Variants in PLEKHG1 observed in about 807,000 individuals in gnomAD.
The protein encoded by PLEKHG1 is pleckstrin homology and RhoGEF domain containing G1.
In PLEKHG1, 44 loss-of-function variants were observed where a neutral mutation model predicts 100.8. That is an observed-to-expected ratio of 0.44 (90% confidence interval 0.34 to 0.56). The LOEUF (loss-of-function observed/expected upper bound fraction) is 0.56. Among genes scored for constraint, PLEKHG1 ranks in the 20% least tolerant of loss-of-function variants. The probability of loss-of-function intolerance (pLI) is 0.01; values close to 1 mark genes in which losing one functional copy is unlikely to be tolerated. For synonymous variants in PLEKHG1, 640 were observed against 662.5 expected (o/e 0.97, Z 0.52); for missense variants, 1,545 against 1,720.9 (o/e 0.90, Z 1.81).
At chr6:150,740,250 T>C (rs1450067982) in intron 2 of PLEKHG1, among the ~76,000 whole-genome samples, 1 of 152,232 alleles carries the variant, frequency 6.6e-6, no homozygotes, top group African/African-American at 2.4e-5. Flanking sequence ...AGGTGGTTTC[T>C]GATTAAGCCT....
chr6:150,814,675 C>T (rs1787749910), intron 10 of PLEKHG1, among the ~76,000 whole-genome samples: 1 of 152,180 alleles, frequency 6.6e-6, no homozygotes. Context: ...GCATCCTAAC[C>T]ACATTATTCC....
intron 15 of PLEKHG1, among the ~76,000 whole-genome samples, chr6:150,837,645 G>C (rs927944164): frequency 2.0e-5 from 3 of 152,254 alleles, no homozygotes; most frequent in Non-Finnish European, 4.4e-5. Flanking sequence ...TATACTGTAT[G>C]TGAGAATGGC....
chr6:150,712,696 T>C (rs1301844859), intron 3 of PLEKHG1, among the ~76,000 whole-genome samples: 1 of 152,196 alleles, frequency 6.6e-6, no homozygotes, highest in Non-Finnish European at 1.5e-5. Context: ...AACTGGGAAT[T>C]AGGCAAGTGT....
intron 3 of PLEKHG1, among the ~76,000 whole-genome samples, chr6:150,690,527 C>T (rs1780315748): frequency 6.6e-6 from 1 of 152,186 alleles, no homozygotes; most frequent in Non-Finnish European, 1.5e-5. Flanking sequence ...AACTATACTT[C>T]TCTAGTGCTT....
At chr6:150,809,891 C>CA (rs201618525) in intron 10 of PLEKHG1, among the ~76,000 whole-genome samples, 157 bp downstream of exon 11, 23,679 of 135,654 alleles carry the variant, frequency 0.17, 3,554 homozygotes, top group African/African-American at 0.42. Flanking sequence ...GAGACTGGGT[C>CA]AAAAAAAAAA....
intron 3 of PLEKHG1, among the ~76,000 whole-genome samples, chr6:150,695,684 A>G (rs1780515655): frequency 6.6e-6 from 1 of 152,234 alleles, no homozygotes; most frequent in Non-Finnish European, 1.5e-5. Context: ...GCAGTGCCTA[A>G]CAAATATGCA....
intron 3 of PLEKHG1, among the ~76,000 whole-genome samples, chr6:150,654,756 A>G (rs953910493): frequency 6.6e-5 from 10 of 152,238 alleles, no homozygotes; most frequent in Non-Finnish European, 1.2e-4. Flanking sequence ...GATTTATTGT[A>G]AGGCAGCTAA....
At chr6:150,787,810 T>TTG (rs1055045615) in intron 4 of PLEKHG1, among the ~76,000 whole-genome samples, 1 of 152,116 alleles carries the variant, frequency 6.6e-6, no homozygotes, top group East Asian at 1.9e-4. Flanking sequence ...TCTCCTGACT[T>TTG]TGTGTGTGTG....
At chr6:150,734,004 G>A (rs772543320) in exon 2 of PLEKHG1, 1 of 1,614,196 alleles carries the variant, frequency 6.2e-7, no homozygotes, top group Non-Finnish European at 8.5e-7. Flanking sequence ...TCGGCCACGA[G>A]CCCCAAGCTC....
intron 4 of PLEKHG1, among the ~76,000 whole-genome samples, chr6:150,794,436 C>T (rs1174685419): frequency 6.6e-6 from 1 of 152,060 alleles, no homozygotes; most frequent in African/African-American, 2.4e-5. Flanking sequence ...GAGGCCAAGG[C>T]CGGTGGATCA....
At chr6:150,622,305 C>G (rs1191057846) in intron 1 of PLEKHG1, among the ~76,000 whole-genome samples, 1 of 152,144 alleles carries the variant, frequency 6.6e-6, no homozygotes, top group Non-Finnish European at 1.5e-5. Flanking sequence ...ATACTACTTT[C>G]AGTAACAAAG....
chr6:150,738,075 A>G (rs1014847223), intron 2 of PLEKHG1, among the ~76,000 whole-genome samples: 7 of 152,038 alleles, frequency 4.6e-5, no homozygotes, highest in Non-Finnish European at 8.8e-5. Flanking sequence ...CAGCCTCCCA[A>G]AATGGTGAGC....
chr6:150,626,330 G>A (rs1777509148), intron 1 of PLEKHG1, among the ~76,000 whole-genome samples: 1 of 152,182 alleles, frequency 6.6e-6, no homozygotes, highest in African/African-American at 2.4e-5. Context: ...TTCAGGCGAA[G>A]GCTCAGAGTT....
intron 2 of PLEKHG1, among the ~76,000 whole-genome samples, chr6:150,641,942 T>A (rs1384373467): frequency 2.0e-5 from 3 of 146,852 alleles, no homozygotes; most frequent in Non-Finnish European, 4.5e-5. Context: ...TTTCAAGTGA[T>A]GTAAGTAACC....
chr6:150,816,907 G>A (rs974339875), intron 10 of PLEKHG1, among the ~76,000 whole-genome samples: 81 of 152,178 alleles, frequency 5.3e-4, no homozygotes, highest in African/African-American at 1.8e-3. Context: ...TAGATCCCTC[G>A]CATGCATAAT....
intron 2 of PLEKHG1, among the ~76,000 whole-genome samples, chr6:150,759,936 C>T (rs1295231325): frequency 6.6e-6 from 1 of 152,060 alleles, no homozygotes; most frequent in Non-Finnish European, 1.5e-5. Flanking sequence ...TTCCAGGTTG[C>T]AGTGAGCTGT....
upstream of PLEKHG1, among the ~76,000 whole-genome samples, chr6:150,718,142 G>A (rs1434877199): frequency 6.6e-6 from 1 of 152,162 alleles, no homozygotes; most frequent in East Asian, 1.9e-4. Flanking sequence ...TTCACCCAGT[G>A]TTAGTATGGG....
Position 150,732,519 on chromosome 6 carries a change from T to C in PLEKHG1, c.-98-1065T>C, listed in dbSNP as rs73780095. On this transcript the variant is annotated intron_variant, in intron 1 of 15. Coordinates refer to ENST00000358517, the Ensembl canonical transcript of PLEKHG1. Reference sequence around the variant, plus strand: ...GTTGTCGGGCAACTTCATCATTGTATGAACATCACAGAGTATAATCACAAA... The same window carrying C: ...GTTGTCGGGCAACTTCATCATTGTACGAACATCACAGAGTATAATCACAAA... 3.8e-3 allele frequency among the ~76,000 whole-genome samples: 584 copies of C among 152,376 alleles called. 4 individuals carry two copies. The highest frequency in any genetic ancestry group is 0.013 in the African/African-American group (552 of 41,592).
chr6:150,760,868 A>T (rs1784116638), intron 2 of PLEKHG1, among the ~76,000 whole-genome samples: 1 of 152,024 alleles, frequency 6.6e-6, no homozygotes, highest in South Asian at 2.1e-4. Flanking sequence ...AGGCAACAAA[A>T]TTAAGTTTTT....
Sources: gnomAD v4.1 joint callset for allele counts (sites outside exome capture counted in the v4.1 genomes callset) on GRCh38, gnomAD v4.1.1 for gene constraint, MANE v1.5 for transcripts, NCBI Gene and HGNC (gene_info 2026-07-23, HGNC 2026-07-21) for gene names.